Variants in PEX2 observed in about 807,000 individuals in gnomAD.
PEX2 encodes the protein peroxisome biogenesis factor 2.
PEX2 carries 19 observed loss-of-function variants against 25.2 expected under a neutral mutation model. The ratio of observed to expected loss-of-function variants is 0.75; its 90% confidence interval spans 0.53 to 1.10. The LOEUF (loss-of-function observed/expected upper bound fraction) is 1.10, where lower values mean the gene tolerates loss of function less well. Ranked by LOEUF, PEX2 falls within the 50% of genes least tolerant of loss-of-function variation. PEX2 has a pLI of 0.00. For missense variants in PEX2, 347 were observed against 350.6 expected (o/e 0.99, Z 0.08); for synonymous variants, 141 against 127.7 (o/e 1.10, Z -0.70).
chr8:76,990,895 T>C (rs961044490), intron 1 of PEX2, among the ~76,000 whole-genome samples: 1 of 135,960 alleles, frequency 7.4e-6, no homozygotes, highest in Non-Finnish European at 1.6e-5. Context: ...GGAAAAAAAA[T>C]TGTGCAGATA....
upstream of PEX2, chr8:77,000,835 A>G (rs1052936901): frequency 6.6e-6 from 1 of 152,332 alleles, no homozygotes; most frequent in African/African-American, 2.4e-5. Context: ...ACCCCTGGGG[A>G]ATCGAGGCAG....
intron 1 of PEX2, among the ~76,000 whole-genome samples, chr8:76,992,980 AT>A (rs1807217842): frequency 6.6e-6 from 1 of 152,172 alleles, no homozygotes; most frequent in Non-Finnish European, 1.5e-5. Flanking sequence ...AAGCCCAGAA[AT>A]AGCAAGCTCC....
At chr8:76,989,397 T>G (rs536356798) in intron 1 of PEX2, among the ~76,000 whole-genome samples, 178 of 152,334 alleles carry the variant, frequency 1.2e-3, no homozygotes, top group African/African-American at 4.0e-3. Flanking sequence ...TGTTGATATG[T>G]TGACCTTCTC....
At chr8:76,990,499 T>C (rs183673562) in intron 1 of PEX2, among the ~76,000 whole-genome samples, 21 of 152,228 alleles carry the variant, frequency 1.4e-4, no homozygotes, top group Middle Eastern at 3.4e-3. Flanking sequence ...AGCAAAATCA[T>C]TGCTAGATTT....
chr8:76,996,292 C>T (rs747629284), intron 1 of PEX2, among the ~76,000 whole-genome samples: 1 of 152,198 alleles, frequency 6.6e-6, no homozygotes, highest in South Asian at 2.1e-4. Context: ...TCTGTTATTA[C>T]TTCTGTTCTA....
In PEX2 at chr8:76,983,873, T is replaced by A. The variant is rs202125546; in HGVS notation, c.306A>T (p.Gln102His). The change falls in exon 4 of 4, where the codon CAA (glutamine) becomes CAT (histidine). Residue 102 changes from glutamine (Q) to histidine (H), a missense_variant. Coordinates refer to ENST00000357039, the MANE Select transcript of PEX2 (RefSeq NM_000318.3). ...TTGTACAAACAGCATACCAGATTTT[T>A]TGATTTTTACTGGGTGGCTGATATC... Reference protein sequence around the residue: ...NLRYQPPSKNQKIWYAVCTIG... With the variant: ...NLRYQPPSKNHKIWYAVCTIG... 10 of 1,614,206 alleles carry A rather than the reference T, an allele frequency of 6.2e-6. No individual in the cohort carries two copies. In the East Asian group the frequency reaches 2.2e-4, roughly 36 times the overall value.
chr8:76,987,050 T>A (rs971286177), intron 2 of PEX2, among the ~76,000 whole-genome samples: 1 of 152,206 alleles, frequency 6.6e-6, no homozygotes, highest in Admixed American at 6.5e-5. Context: ...CAAATTACCA[T>A]ATCCAGAAAG....
intron 1 of PEX2, among the ~76,000 whole-genome samples, chr8:76,995,711 A>G (rs1002764789): frequency 6.6e-6 from 1 of 152,138 alleles, no homozygotes; most frequent in African/African-American, 2.4e-5. Flanking sequence ...ACAGCATGGC[A>G]CTCATATTTT....
intron 1 of PEX2, among the ~76,000 whole-genome samples, chr8:76,996,530 C>T (rs180805178): frequency 2.0e-5 from 3 of 152,146 alleles, no homozygotes; most frequent in South Asian, 2.1e-4. Context: ...AACACTAGTG[C>T]GAGTATGAAC....
Position 76,983,863 on chromosome 8 carries a change from A to C in PEX2, c.316T>G (p.Tyr106Asp). ...QPPSKNQKIW[Y>D]AVCTIGGRWL... ...CTGCCACCAATTGTACAAACAGCAT[A>C]CCAGATTTTTTGATTTTTACTGGGT... Residue 106 changes from tyrosine to aspartate, a missense_variant, in exon 4 of 4, where the codon TAT becomes GAT. By Grantham distance (160) the Tyr-to-Asp change is radical (BLOSUM62 -3). Coordinates refer to ENST00000357039, the MANE Select transcript of PEX2 (RefSeq NM_000318.3). The C allele has an allele frequency of 6.2e-7, 1 of 1,614,134 alleles. No homozygotes were observed. Among genetic ancestry groups the C allele is most frequent in the Non-Finnish European group, 8.5e-7 (1 of 1,179,992 alleles).
chr8:76,999,901 G>C (rs570596926), intron 1 of PEX2, 89 bp downstream of exon 1: 15 of 456,464 alleles, frequency 3.3e-5, no homozygotes, highest in Non-Finnish European at 6.6e-5. Flanking sequence ...AGCAAACGGC[G>C]ACAATTACAA....
chr8:76,989,159 C>G (rs1037908464), intron 1 of PEX2, among the ~76,000 whole-genome samples: 1 of 151,516 alleles, frequency 6.6e-6, no homozygotes, highest in Admixed American at 6.6e-5. Context: ...AGCCTGAGTG[C>G]CAGAGCATGA....
rs763631429 is a variant in PEX2, at chr8:76,983,360, TAAG to T, written c.816_818del (p.Phe272del). 1.2e-6 allele frequency: 2 copies of T among 1,614,056 alleles called. No individual in the cohort carries two copies. The highest frequency in any genetic ancestry group is 1.7e-6 in the Non-Finnish European group (2 of 1,180,004). ...TAGGACAAGTAAAGTACACGTCAAA[TAAG>T]AAACTACTCTTAGCACAGAAATAAC... On this transcript the variant is annotated inframe_deletion, in exon 4 of 4. Transcript: ENST00000357039.
chr8:76,980,552 A>G lies in PEX2; in HGVS notation c.*2709T>C, dbSNP rs1020504494. 6.6e-6 allele frequency: 1 copy of G among 152,192 alleles called. No homozygotes were observed. The highest frequency in any genetic ancestry group is 1.5e-5 in the Non-Finnish European group (1 of 68,046). 9.4% of individuals were successfully genotyped at this position (152,192 alleles called of 1,614,324 possible). On this transcript the variant is annotated 3_prime_UTR_variant, in exon 4 of 4. Transcript: ENST00000357039. ...CTACATTTAAGTAACCAGGAACAGT[A>G]TTTTCCATCCCCTAGCTATAGTGGC...
At chr8:76,991,953 T>A (rs1807182451) in intron 1 of PEX2, among the ~76,000 whole-genome samples, 1 of 152,216 alleles carries the variant, frequency 6.6e-6, no homozygotes, top group African/African-American at 2.4e-5. Flanking sequence ...GCAAATCTCA[T>A]TTCGAAAGAC....
chr8:76,981,810 GAAGGCAA>G lies in PEX2; in HGVS notation c.*1444_*1450del, dbSNP rs1417676620. Reference sequence around the variant, plus strand: ...TCTACAATAATGTTTTAAAATTACAGAAGGCAAAAGAAGGCAAATTCTTAAGATGTAA... The same window carrying G: ...TCTACAATAATGTTTTAAAATTACAGAAGAAGGCAAATTCTTAAGATGTAA... On this transcript the variant is annotated 3_prime_UTR_variant, in exon 4 of 4. Transcript: ENST00000357039. 1 of 152,108 alleles carries G rather than the reference GAAGGCAA, an allele frequency of 6.6e-6. No homozygotes were observed. The highest frequency in any genetic ancestry group is 1.5e-5 in the Non-Finnish European group (1 of 68,008). The allele number at this position is 152,108 out of a possible 1,614,324, so 9.4% of individuals were successfully genotyped here.
Position 76,983,978 on chromosome 8 carries a change from G to C in PEX2, c.201C>G (p.Phe67Leu). Reference sequence around the variant, plus strand: ...CTGTGGCATTTTTGGAGTAGATGGTGAATCTCCACAAGAAAACCCATAAGC... The same window carrying C: ...CTGTGGCATTTTTGGAGTAGATGGTCAATCTCCACAAGAAAACCCATAAGC... ...KACLWVFLWR[F>L]TIYSKNATVG... The change falls in exon 4 of 4, where the codon TTC (phenylalanine) becomes TTG (leucine). Residue 67 changes from phenylalanine (F) to leucine (L), a missense_variant. Transcript: ENST00000357039. 1.9e-6 allele frequency: 3 copies of C among 1,614,082 alleles called. No individual in the cohort carries two copies. Among genetic ancestry groups the C allele is most frequent in the Non-Finnish European group, 2.5e-6 (3 of 1,179,978 alleles).
chr8:76,997,189 GACCATTCAAAGA>G (rs1353000924), intron 1 of PEX2, among the ~76,000 whole-genome samples: 7 of 152,162 alleles, frequency 4.6e-5, no homozygotes, highest in Non-Finnish European at 1.5e-5. Context: ...GTGGTCAAAG[GACCATTCAAAGA>G]ACCATGTCAA....
chr8:76,993,677 T>G (rs1586076967), intron 1 of PEX2, among the ~76,000 whole-genome samples: 1 of 152,198 alleles, frequency 6.6e-6, no homozygotes, highest in Non-Finnish European at 1.5e-5. Context: ...TACAAGCTGC[T>G]TTTTGTAAAA....
Sources: gnomAD v4.1 joint callset for allele counts (sites outside exome capture counted in the v4.1 genomes callset) on GRCh38, gnomAD v4.1.1 for gene constraint, MANE v1.5 for transcripts, NCBI Gene and HGNC (gene_info 2026-07-23, HGNC 2026-07-21) for gene names.